DAB2: variants seen among roughly 807,000 people sequenced by gnomAD.
The protein encoded by DAB2 is disabled homolog 2.
Under a neutral mutation model 71.6 loss-of-function variants are expected in DAB2, and 28 were observed. The observed-to-expected ratio is 0.39, with a 90% confidence interval of 0.29 to 0.54. DAB2 has a LOEUF of 0.54. Ranked by LOEUF, DAB2 falls within the 20% of genes least tolerant of loss-of-function variation. The pLI is 0.68. For missense variants in DAB2, 867 were observed against 928.8 expected (o/e 0.93, Z 0.86); for synonymous variants, 345 against 339.7 (o/e 1.02, Z -0.17).
chr5:39,376,805 C>T lies in DAB2; in HGVS notation c.1982G>A (p.Arg661Gln), dbSNP rs749933989. Residue 661 changes from arginine to glutamine, a missense_variant, in exon 12 of 15, where the codon CGG becomes CAG. Transcript: ENST00000320816. ...VKEMFKDFQL[R>Q]QPPAVPARKG... ...CCGCGCGGGCACAGCAGGTGGCTGC[C>T]GCAGTTGGAAATCCTTAAACATTTC... 28 of 1,613,922 alleles carry T rather than the reference C, an allele frequency of 1.7e-5. No individual in the cohort carries two copies. The highest frequency in any genetic ancestry group is 3.3e-5 in the Admixed American group (2 of 59,984).
chr5:39,417,593 A>G (rs900339442), intron 1 of DAB2: 3 of 152,122 alleles, frequency 2.0e-5, no homozygotes, highest in African/African-American at 7.2e-5. Context: ...GATCCACACA[A>G]CACTCTGTAC....
chr5:39,383,056 T>G lies in DAB2; in HGVS notation c.903A>C (p.Thr301=), dbSNP rs1238626610. Residue 301 remains threonine (T), a synonymous_variant, in exon 10 of 15, where the codon ACA becomes ACC. Coordinates refer to ENST00000320816, the MANE Select transcript of DAB2 (RefSeq NM_001343.4). ...NPDPFRDDPF[T]QPDQSTPSSF... ...AAGAAGGTGTCGATTGGTCTGGCTGTGTGAAAGGATCGTCACGGAAAGGAT... is the reference window on the plus strand; with the variant it reads ...AAGAAGGTGTCGATTGGTCTGGCTGGGTGAAAGGATCGTCACGGAAAGGAT... 1 of 1,614,092 alleles carries G rather than the reference T, an allele frequency of 6.2e-7. No individual in the cohort carries two copies. Among genetic ancestry groups the G allele is most frequent in the South Asian group, 1.1e-5 (1 of 91,076 alleles).
At chr5:39,384,545 A>C (rs1318337204) in intron 9 of DAB2, among the ~76,000 whole-genome samples, 1 of 152,176 alleles carries the variant, frequency 6.6e-6, no homozygotes, top group Non-Finnish European at 1.5e-5. Context: ...TTAAGAGTTA[A>C]TTTGAAAGAC....
chr5:39,388,702 T>C (rs551561495), intron 8 of DAB2, 97 bp downstream of exon 8: 17 of 983,066 alleles, frequency 1.7e-5, no homozygotes, highest in African/African-American at 3.3e-5. Context: ...GATTTTCATA[T>C]AGATTCAATA....
intron 14 of DAB2, among the ~76,000 whole-genome samples, chr5:39,374,183 T>C (rs921220213): frequency 2.6e-5 from 4 of 152,074 alleles, no homozygotes; most frequent in East Asian, 1.9e-4. Context: ...TGAGACAAGA[T>C]TGGAAAAAAA....
chr5:39,421,968 A>G (rs148100816), intron 1 of DAB2, among the ~76,000 whole-genome samples: 1,734 of 151,978 alleles, frequency 0.011, 52 homozygotes, highest in South Asian at 0.04. Context: ...TAATCAGGAG[A>G]CTGAGGTCAC....
intron 1 of DAB2, among the ~76,000 whole-genome samples, chr5:39,420,745 A>G (rs1000519120): frequency 9.9e-5 from 15 of 152,218 alleles, no homozygotes; most frequent in Non-Finnish European, 1.8e-4. Flanking sequence ...AGGGGGTGAT[A>G]TAAGTAGAGA....
At position 39,390,995 on chromosome 5, in the gene DAB2, C is replaced by T. The variant is rs151296682; in HGVS notation, c.331-420G>A. Among the ~76,000 whole-genome samples, 265 of 152,278 alleles carry T rather than the reference C, an allele frequency of 1.7e-3. 2 individuals are homozygous for T. The highest frequency in any genetic ancestry group is 5.8e-3 in the African/African-American group (239 of 41,546). ...AGGAGTGTTCACAGGGATTCATTGA[C>T]GATGGCTCAGAGTGGCCGAGGAACC... On this transcript the variant is annotated intron_variant, in intron 4 of 14. Coordinates refer to ENST00000320816, the MANE Select transcript of DAB2 (RefSeq NM_001343.4).
At chr5:39,385,642 G>A (rs1288679087) in intron 9 of DAB2, among the ~76,000 whole-genome samples, 1 of 152,248 alleles carries the variant, frequency 6.6e-6, no homozygotes, top group East Asian at 1.9e-4. Flanking sequence ...ACGGCAGTGC[G>A]TTACAGAACC....
intron 9 of DAB2, 126 bp downstream of exon 9, chr5:39,388,179 A>G (rs921839198): frequency 1.4e-6 from 1 of 700,506 alleles, no homozygotes; most frequent in Non-Finnish European, 2.5e-6. Context: ...AACCATTGAC[A>G]CTTCATTTGC....
At chr5:39,376,274 G>A (rs766671662) in intron 12 of DAB2, among the ~76,000 whole-genome samples, 168 bp from the exon 13 acceptor site, 8 of 152,066 alleles carry the variant, frequency 5.3e-5, no homozygotes, top group East Asian at 1.9e-4. Context: ...TATCCTTCTC[G>A]GAAGAGAAAG....
At chr5:39,378,360 T>C (rs1754880847) in intron 11 of DAB2, among the ~76,000 whole-genome samples, 1 of 152,220 alleles carries the variant, frequency 6.6e-6, no homozygotes, top group African/African-American at 2.4e-5. Context: ...CTCATATCTA[T>C]TAGTGGGTGA....
intron 1 of DAB2, among the ~76,000 whole-genome samples, chr5:39,420,330 CAA>C (rs1231505881): frequency 6.6e-6 from 1 of 152,098 alleles, no homozygotes; most frequent in East Asian, 1.9e-4. Flanking sequence ...AGTTTTTTAC[CAA>C]GAGACAACAT....
At chr5:39,402,099 T>C (rs1365104918) in intron 1 of DAB2, among the ~76,000 whole-genome samples, 1 of 152,054 alleles carries the variant, frequency 6.6e-6, no homozygotes, top group Non-Finnish European at 1.5e-5. Context: ...CCATCAGACC[T>C]CATGAGACTT....
At chr5:39,392,584 G>A (rs1755260295) in intron 3 of DAB2, 121 bp from the exon 4 acceptor site, 3 of 694,956 alleles carry the variant, frequency 4.3e-6, no homozygotes, top group Admixed American at 5.0e-5. Context: ...TCGATGAGAG[G>A]ATTCGGCACT....
intron 4 of DAB2, among the ~76,000 whole-genome samples, chr5:39,391,885 C>T (rs538498534): frequency 7.3e-5 from 11 of 150,150 alleles, no homozygotes; most frequent in South Asian, 2.1e-4. Flanking sequence ...TTAGGTTAGC[C>T]GGTAAGTTCA....
chr5:39,376,250 AC>A, intron 12 of DAB2, 144 bp from the exon 13 acceptor site: 2 of 639,750 alleles, frequency 3.1e-6, no homozygotes, highest in Non-Finnish European at 2.7e-6. Flanking sequence ...AATACTAGGT[AC>A]CCCAATAATT....
At chr5:39,395,914 G>A (rs1755354084) in intron 1 of DAB2, among the ~76,000 whole-genome samples, 1 of 145,886 alleles carries the variant, frequency 6.9e-6, no homozygotes, top group Admixed American at 6.9e-5. Flanking sequence ...ATTTTCCAGA[G>A]GGAAGGCTAA....
At chr5:39,388,443 C>T (rs1234653011) in intron 8 of DAB2, 76 bp from the exon 9 acceptor site, 1 of 1,084,774 alleles carries the variant, frequency 9.2e-7, no homozygotes, top group African/African-American at 1.6e-5. Context: ...TCATTTGTTT[C>T]CTAAAGTTTA....
Sources: gnomAD v4.1 joint callset for allele counts (sites outside exome capture counted in the v4.1 genomes callset) on GRCh38, gnomAD v4.1.1 for gene constraint, MANE v1.5 for transcripts, NCBI Gene and HGNC (gene_info 2026-07-23, HGNC 2026-07-21) for gene names.